Variants in ZNF827 observed in about 807,000 individuals in gnomAD.
ZNF827 encodes the protein zinc finger protein 827.
ZNF827 carries 13 observed loss-of-function variants against 102.4 expected under a neutral mutation model. The observed-to-expected ratio is 0.13, with a 90% CI of 0.08 to 0.20. ZNF827 has a LOEUF of 0.20. ZNF827 is among the 10% of genes least tolerant of loss of function. The pLI is 1.00. For synonymous variants in ZNF827, 523 were observed against 536.2 expected (o/e 0.98, Z 0.34); for missense variants, 1,103 against 1,344.4 (o/e 0.82, Z 2.81).
At chr4:145,901,385 A>G (rs1751400419) in intron 2 of ZNF827, among the ~76,000 whole-genome samples, 1 of 152,230 alleles carries the variant, frequency 6.6e-6, no homozygotes, top group African/African-American at 2.4e-5. Flanking sequence ...TCAAGTGACT[A>G]AATTTCTCCC....
intron 11 of ZNF827, among the ~76,000 whole-genome samples, chr4:145,772,553 C>A (rs1209875194): frequency 6.6e-6 from 1 of 152,150 alleles, no homozygotes; most frequent in Admixed American, 6.5e-5. Flanking sequence ...CATGGCCATG[C>A]CCACTCATTT....
At chr4:145,859,008 A>G (rs1747447860) in intron 5 of ZNF827, among the ~76,000 whole-genome samples, 1 of 152,216 alleles carries the variant, frequency 6.6e-6, no homozygotes, top group African/African-American at 2.4e-5. Flanking sequence ...AATATTGCTA[A>G]TATAAATAAT....
Position 145,858,749 on chromosome 4 carries a change from T to C in ZNF827, c.1982-9188A>G, listed in dbSNP as rs76517548. 1.8e-4 allele frequency among the ~76,000 whole-genome samples: 27 copies of C among 152,250 alleles called. No individual in the cohort carries two copies. In the East Asian group the frequency reaches 5.2e-3, roughly 29 times the overall value. ...TACCAAAAAGCAAAGGCCATCTCTGTCAACTGATGGGTTGGCCATTGCTTT... is the reference window on the plus strand; with the variant it reads ...TACCAAAAAGCAAAGGCCATCTCTGCCAACTGATGGGTTGGCCATTGCTTT... On this transcript the variant is annotated intron_variant, in intron 5 of 14. Coordinates refer to ENST00000508784, the MANE Select transcript of ZNF827 (RefSeq NM_001306215.2).
At chr4:145,790,401 A>G (rs10857424) in intron 8 of ZNF827, among the ~76,000 whole-genome samples, 61,117 of 152,052 alleles carry the variant, frequency 0.4, 13,988 homozygotes, top group Non-Finnish European at 0.54. Context: ...ATACTCTAAT[A>G]TTCTAGAAAT....
At position 145,889,041 on chromosome 4, in the gene ZNF827, G is replaced by A. The variant is rs562384007; in HGVS notation, c.1267-2883C>T. ...GAATCCCATTTTTCTTTAAAACATC[G>A]ATATACCAATATAGAAGAATATACA... On this transcript the variant is annotated intron_variant, in intron 3 of 14. Transcript: ENST00000508784. Among the ~76,000 whole-genome samples, 7 of 152,140 alleles carry A rather than the reference G, an allele frequency of 4.6e-5. No homozygotes were observed. The East Asian group carries it at 1.2e-3, about 25-fold the overall frequency.
chr4:145,812,208 G>T (rs1253595573), intron 8 of ZNF827, among the ~76,000 whole-genome samples: 1 of 151,914 alleles, frequency 6.6e-6, no homozygotes, highest in Non-Finnish European at 1.5e-5. Context: ...TTACAGGCGT[G>T]AGCCACTGCA....
chr4:145,909,159 A>C (rs1018039620), intron 1 of ZNF827, among the ~76,000 whole-genome samples: 1 of 152,162 alleles, frequency 6.6e-6, no homozygotes, highest in Non-Finnish European at 1.5e-5. Flanking sequence ...ATTTTACCAT[A>C]CTCACTAGTT....
chr4:145,818,471 C>T (rs979927391), intron 8 of ZNF827, among the ~76,000 whole-genome samples: 10 of 152,178 alleles, frequency 6.6e-5, no homozygotes, highest in African/African-American at 2.4e-4. Flanking sequence ...TCCTTGAAAA[C>T]TGCTAGCTTC....
chr4:145,807,866 C>A (rs1741632498), intron 8 of ZNF827, among the ~76,000 whole-genome samples: 2 of 151,050 alleles, frequency 1.3e-5, no homozygotes, highest in Non-Finnish European at 2.9e-5. Context: ...TAGTATGACA[C>A]CAGTGATGAT....
chr4:145,821,349 G>T (rs571404002), intron 8 of ZNF827, among the ~76,000 whole-genome samples: 1 of 152,278 alleles, frequency 6.6e-6, no homozygotes, highest in African/African-American at 2.4e-5. Context: ...AGACTTGAAA[G>T]AAGTTAAGTT....
In ZNF827 at chr4:145,823,408, CAAT is replaced by C. The variant is rs1743345860; in HGVS notation, c.2383+11_2383+13del. 6.2e-6 allele frequency: 10 copies of C among 1,606,930 alleles called. No homozygotes were observed. The highest frequency in any genetic ancestry group is 2.2e-5 in the East Asian group (1 of 44,730). ...CAATCAACAGTAGAAGCAAAGCCAA[CAAT>C]GTTTCCATACCTGGAGCTGATATTC... is the stretch of plus-strand genomic sequence containing the variant. On this transcript the variant is annotated intron_variant, in intron 8 of 14. Transcript: ENST00000508784.
intron 8 of ZNF827, among the ~76,000 whole-genome samples, chr4:145,805,220 T>A (rs910845455): frequency 6.6e-6 from 1 of 151,916 alleles, no homozygotes; most frequent in Admixed American, 6.6e-5. Flanking sequence ...CTAGAAGGAA[T>A]TCTAAATAAT....
At chr4:145,851,585 A>G (rs916592913) in intron 5 of ZNF827, among the ~76,000 whole-genome samples, 1 of 152,204 alleles carries the variant, frequency 6.6e-6, no homozygotes, top group African/African-American at 2.4e-5. Context: ...ATGTAAGAAG[A>G]GTGTTAATTG....
intron 2 of ZNF827, among the ~76,000 whole-genome samples, chr4:145,896,733 G>C (rs554187042): frequency 2.8e-4 from 42 of 152,352 alleles, no homozygotes; most frequent in African/African-American, 8.9e-4. Context: ...TGGATAAACA[G>C]ATAAATGTTC....
At chr4:145,936,580 C>T (rs1350075319) in intron 1 of ZNF827, among the ~76,000 whole-genome samples, 1 of 152,180 alleles carries the variant, frequency 6.6e-6, no homozygotes. Flanking sequence ...GCCACTTCGG[C>T]TGCGGCCCGG....
intron 7 of ZNF827, among the ~76,000 whole-genome samples, chr4:145,836,869 G>A (rs1051213562): frequency 1.1e-4 from 16 of 151,752 alleles, no homozygotes; most frequent in Non-Finnish European, 1.5e-4. Flanking sequence ...TAACTTCTCA[G>A]TGTTCCATCT....
chr4:145,787,672 C>A lies in ZNF827; in HGVS notation c.2384-8161G>T, dbSNP rs192396318. Among the ~76,000 whole-genome samples the A allele has an allele frequency of 7.8e-4, 118 of 152,062 alleles. 1 individual carries two copies. The highest frequency in any genetic ancestry group is 2.4e-3 in the African/African-American group (101 of 41,468). On this transcript the variant is annotated intron_variant, in intron 8 of 14. Coordinates refer to ENST00000508784, the MANE Select transcript of ZNF827 (RefSeq NM_001306215.2). ...TGCACAGGCCCTGGGAATATGAAAC[C>A]TGTCAAGCATGTCTCCAAAAATTTT... is the stretch of plus-strand genomic sequence containing the variant.
chr4:145,789,221 G>A (rs1158917874), intron 8 of ZNF827, among the ~76,000 whole-genome samples: 2 of 152,028 alleles, frequency 1.3e-5, no homozygotes, highest in Non-Finnish European at 1.5e-5. Flanking sequence ...GCCTTACATT[G>A]CCTATTTCTG....
At position 145,849,257 on chromosome 4, in the gene ZNF827, C is replaced by T. The variant is rs1026399547; in HGVS notation, c.2221+65G>A. The T allele has an allele frequency of 5.3e-5, 80 of 1,498,648 alleles. No homozygotes were observed. The Admixed American group carries it at 6.1e-4, about 11-fold the overall frequency. 92.8% of individuals were successfully genotyped at this position (1,498,648 alleles called of 1,614,324 possible). A position where few individuals can be genotyped will look rare whatever the true frequency, so the allele number is the denominator to read the frequency against. On this transcript the variant is annotated intron_variant, in intron 6 of 14. Transcript: ENST00000508784. ...TTCAGGTTTTTTTTTTTAAAAAAAACTGTGTTAGAAGGGTTTTCCTTCAAT... is the reference window on the plus strand; with the variant it reads ...TTCAGGTTTTTTTTTTTAAAAAAAATTGTGTTAGAAGGGTTTTCCTTCAAT...
Sources: gnomAD v4.1 joint callset for allele counts (sites outside exome capture counted in the v4.1 genomes callset) on GRCh38, gnomAD v4.1.1 for gene constraint, MANE v1.5 for transcripts, NCBI Gene and HGNC (gene_info 2026-07-23, HGNC 2026-07-21) for gene names.